NRXN3: variants seen among roughly 807,000 people sequenced by gnomAD.
NRXN3 encodes neurexin 3, also known as neurexin III.
A neutral mutation model predicts 137.6 loss-of-function variants in NRXN3; 32 were observed. That is an observed-to-expected ratio of 0.23 (90% CI 0.18 to 0.31). The LOEUF is 0.31. Among genes scored for constraint, NRXN3 ranks in the 10% least tolerant of loss-of-function variants. NRXN3 has a pLI of 1.00. For missense variants in NRXN3, 1,574 were observed against 2,062.5 expected (o/e 0.76, Z 4.59); for synonymous variants, 798 against 784.5 (o/e 1.02, Z -0.29).
At chr14:78,225,265 T>C (rs2064396496) in intron 1 of NRXN3, among the ~76,000 whole-genome samples, 2 of 152,162 alleles carry the variant, frequency 1.3e-5, no homozygotes, top group Non-Finnish European at 2.9e-5. Flanking sequence ...GCACCTGTTG[T>C]TTCCTGACTT....
At chr14:78,932,572 A>G (rs1597548876) in intron 10 of NRXN3, among the ~76,000 whole-genome samples, 1 of 152,200 alleles carries the variant, frequency 6.6e-6, no homozygotes, top group Non-Finnish European at 1.5e-5. Context: ...CTATGACAAT[A>G]TAAGCATAAA....
chr14:78,829,376 G>C (rs1420663385), intron 10 of NRXN3, among the ~76,000 whole-genome samples: 2 of 152,156 alleles, frequency 1.3e-5, no homozygotes, highest in East Asian at 3.9e-4. Flanking sequence ...AAATCACACT[G>C]TTTGAACCAT....
rs920143370 is a variant in NRXN3 at position 78,243,333 on chromosome 14, G to A, written c.240G>A (p.Leu80=). 1 of 1,560,424 alleles carries A rather than the reference G, an allele frequency of 6.4e-7. No individual in the cohort carries two copies. Among genetic ancestry groups the A allele is most frequent in the Non-Finnish European group, 8.6e-7 (1 of 1,160,482 alleles). ...TCTGCGACTTCCTATGCCTCTCCCT[G>A]GTGGATGGCCGCGTTCAGCTCCGCT... ...GGVCDFLCLS[L]VDGRVQLRFS... Residue 80 remains leucine (L), a synonymous_variant, in exon 2 of 21, where the codon CTG becomes CTA. Coordinates refer to ENST00000335750, the MANE Select transcript of NRXN3 (RefSeq NM_001330195.2). This position sits in a 1 kb window ranked among gnomAD's most constrained non-coding sequence, Gnocchi z 4.2.
intron 15 of NRXN3, among the ~76,000 whole-genome samples, chr14:79,026,980 A>AAT (rs1271534343): frequency 1.4e-4 from 1 of 7,060 alleles, no homozygotes; most frequent in African/African-American, 1.7e-4. Flanking sequence ...ATATATATAT[A>AAT]TATATATATA....
At chr14:79,702,575 C>CCAAGT (rs2098758656) in intron 19 of NRXN3, among the ~76,000 whole-genome samples, 1 of 151,862 alleles carries the variant, frequency 6.6e-6, no homozygotes, top group Admixed American at 6.6e-5. Context: ...GGAGAGATAG[C>CCAAGT]CAAGTCCAAG....
intron 10 of NRXN3, among the ~76,000 whole-genome samples, chr14:78,953,979 C>T (rs928918140): frequency 1.9e-4 from 29 of 152,132 alleles, no homozygotes; most frequent in African/African-American, 6.8e-4. Flanking sequence ...ACGTGAATCA[C>T]TCTTTACATT....
chr14:78,829,278 C>G lies in NRXN3; in HGVS notation c.2275+18934C>G, dbSNP rs566551799. Among the ~76,000 whole-genome samples, 8 of 152,272 alleles carry G rather than the reference C, an allele frequency of 5.3e-5. No homozygotes were observed. The East Asian group carries it at 1.5e-3, about 29-fold the overall frequency. ...AGGCAAATTCGCAGGTTATCTGCAG[C>G]CTTTCATGTCAAAATGTAAATGTTT... On this transcript the variant is annotated intron_variant, in intron 10 of 20. Coordinates refer to ENST00000335750, the MANE Select transcript of NRXN3 (RefSeq NM_001330195.2).
chr14:79,203,408 G>A (rs903391590), intron 15 of NRXN3, among the ~76,000 whole-genome samples: 1 of 152,136 alleles, frequency 6.6e-6, no homozygotes, highest in Non-Finnish European at 1.5e-5. Context: ...AACATACTTT[G>A]TGTCTTCATT....
chr14:79,151,744 A>G (rs1362739273), intron 15 of NRXN3, among the ~76,000 whole-genome samples: 1 of 151,858 alleles, frequency 6.6e-6, no homozygotes, highest in Non-Finnish European at 1.5e-5. Flanking sequence ...AGACACCGTG[A>G]TGTGTCAGCA....
intron 15 of NRXN3, among the ~76,000 whole-genome samples, chr14:79,261,482 G>A (rs570546850): frequency 1.8e-4 from 27 of 152,222 alleles, no homozygotes; most frequent in African/African-American, 6.0e-4. Flanking sequence ...TCTCATGGAA[G>A]AGGAGGCAGT....
At chr14:79,665,993 C>T (rs932958184) in intron 17 of NRXN3, among the ~76,000 whole-genome samples, 2 of 152,026 alleles carry the variant, frequency 1.3e-5, no homozygotes, top group African/African-American at 4.8e-5. Flanking sequence ...AGTCAACTGG[C>T]TAGAGTTGGG....
At chr14:78,503,444 T>C (rs906028711) in intron 4 of NRXN3, among the ~76,000 whole-genome samples, 4 of 152,108 alleles carry the variant, frequency 2.6e-5, no homozygotes, top group Non-Finnish European at 4.4e-5. Context: ...AGATGATTGA[T>C]TGGCTTCAGA....
rs147991989 is a variant in NRXN3, at chr14:79,689,467, T to C, written c.3617-2706T>C. 2.6e-3 allele frequency among the ~76,000 whole-genome samples: 397 copies of C among 152,238 alleles called. 3 individuals carry two copies. Among genetic ancestry groups the C allele is most frequent in the African/African-American group, 9.2e-3 (381 of 41,580 alleles). On this transcript the variant is annotated intron_variant, in intron 17 of 20. Coordinates refer to ENST00000335750, the MANE Select transcript of NRXN3 (RefSeq NM_001330195.2). ...ACATGAAAAGAGACTAAGAACAATG[T>C]TAATGCGGCAACTTAAACAAATTTG...
At chr14:79,223,245 C>A (rs1264479785) in intron 15 of NRXN3, among the ~76,000 whole-genome samples, 1 of 152,064 alleles carries the variant, frequency 6.6e-6, no homozygotes, top group Non-Finnish European at 1.5e-5. Context: ...CAGGCAGAAG[C>A]CAAATATGTA....
In NRXN3 at chr14:79,063,962, TC is replaced by T. The variant is rs2099677464; in HGVS notation, c.3262+75822del. On this transcript the variant is annotated intron_variant, in intron 15 of 20. Transcript: ENST00000335750. ...TATTATGTTTTCTTGTTTTTGTATA[TC>T]TACATATTCATAAAAACAAGTATGT... Among the ~76,000 whole-genome samples the T allele has an allele frequency of 2.6e-5, 4 of 152,206 alleles. No homozygotes were observed. The South Asian group carries it at 8.3e-4, about 31-fold the overall frequency.
At chr14:79,571,495 G>A (rs996168792) in intron 16 of NRXN3, among the ~76,000 whole-genome samples, 4 of 152,138 alleles carry the variant, frequency 2.6e-5, no homozygotes, top group African/African-American at 9.7e-5. Context: ...AATGAAGGCA[G>A]TCAGCTACAC....
chr14:78,839,300 C>A (rs1384266990), intron 10 of NRXN3, among the ~76,000 whole-genome samples: 5 of 152,114 alleles, frequency 3.3e-5, no homozygotes, highest in African/African-American at 1.2e-4. Flanking sequence ...CTTTAAGGAA[C>A]TTAACATGAA....
At chr14:78,998,279 G>A (rs967964486) in intron 15 of NRXN3, among the ~76,000 whole-genome samples, 1 of 152,252 alleles carries the variant, frequency 6.6e-6, no homozygotes, top group Admixed American at 6.5e-5. Context: ...CCTTTGCACT[G>A]TGAGATTAGG....
chr14:78,368,096 A>G (rs2086247459), intron 4 of NRXN3, among the ~76,000 whole-genome samples: 1 of 152,240 alleles, frequency 6.6e-6, no homozygotes, highest in Admixed American at 6.5e-5. Flanking sequence ...ACGGGAAAGT[A>G]AGAAAACTAC....
Sources: allele counts gnomAD v4.1 joint callset (sites outside exome capture counted in the v4.1 genomes callset), GRCh38; gene constraint gnomAD v4.1.1; non-coding constraint Gnocchi (gnomAD v3.1); transcripts MANE v1.5; gene names NCBI Gene and HGNC (gene_info 2026-07-23, HGNC 2026-07-21).